Variants in ZNF787 observed in about 807,000 individuals in gnomAD.
ZNF787 encodes zinc finger protein 787.
A neutral mutation model predicts 16.9 loss-of-function variants in ZNF787; 7 were observed. The observed-to-expected ratio is 0.42, with a 90% confidence interval of 0.24 to 0.78. The LOEUF (loss-of-function observed/expected upper bound fraction) is 0.78, where lower values mean the gene tolerates loss of function less well. Ranked by LOEUF, ZNF787 falls within the 30% of genes least tolerant of loss-of-function variation. ZNF787 has a pLI of 0.30. For missense variants in ZNF787, 551 were observed against 589.3 expected (o/e 0.94, Z 0.67); for synonymous variants, 345 against 270.9 (o/e 1.27, Z -2.69).
At chr19:56,115,228 C>A (rs1233114838) in intron 1 of ZNF787, among the ~76,000 whole-genome samples, 3 of 152,086 alleles carry the variant, frequency 2.0e-5, no homozygotes, top group Non-Finnish European at 4.4e-5. Context: ...TTTGGCAGAT[C>A]ACATTCTCCT....
At chr19:56,118,235 G>T (rs1260196239) in intron 1 of ZNF787, among the ~76,000 whole-genome samples, 1 of 152,168 alleles carries the variant, frequency 6.6e-6, no homozygotes, top group Non-Finnish European at 1.5e-5. Context: ...GCCTCCTTGG[G>T]GGTTGCATGG....
intron 1 of ZNF787, among the ~76,000 whole-genome samples, chr19:56,105,233 A>G (rs1394668272): frequency 6.6e-6 from 1 of 152,178 alleles, no homozygotes; most frequent in East Asian, 1.9e-4. Flanking sequence ...CGCGGCTGGA[A>G]CCTGAACCCT....
chr19:56,109,340 G>A (rs894836688), intron 1 of ZNF787, among the ~76,000 whole-genome samples: 3 of 152,008 alleles, frequency 2.0e-5, no homozygotes. Context: ...CGAGAAGGGT[G>A]CTCTAGCCTC....
intron 1 of ZNF787, among the ~76,000 whole-genome samples, chr19:56,114,547 G>A (rs559053413): frequency 3.4e-4 from 52 of 152,056 alleles, no homozygotes; most frequent in African/African-American, 1.1e-3. Context: ...CTGAGGGGCC[G>A]GGCTCAGTCC....
At chr19:56,102,848 G>C (rs1986153648) in intron 2 of ZNF787, 1 of 700,488 alleles carries the variant, frequency 1.4e-6, no homozygotes. Flanking sequence ...CAACAGACGG[G>C]GGTGCTGCCC....
At position 56,088,861 on chromosome 19, in the gene ZNF787, G is replaced by A; in HGVS notation, c.311C>T (p.Ser104Leu). 1 of 1,609,362 alleles carries A rather than the reference G, an allele frequency of 6.2e-7. No individual in the cohort carries two copies. The highest frequency in any genetic ancestry group is 8.5e-7 in the Non-Finnish European group (1 of 1,177,782). Reference protein sequence around the residue: ...NACADCGKTFSQSSHLVQHRR... With the variant: ...NACADCGKTFLQSSHLVQHRR... Reference sequence around the variant, plus strand: ...GTGCTGCACCAGGTGCGAGCTCTGCGAGAAGGTCTTGCCGCAGTCGGCGCA... The same window carrying A: ...GTGCTGCACCAGGTGCGAGCTCTGCAAGAAGGTCTTGCCGCAGTCGGCGCA... Residue 104 changes from serine to leucine, a missense_variant, in exon 3 of 3, where the codon TCG becomes TTG. Around this residue, in one of 4 missense-constraint regions of ZNF787, gnomAD observed 39 missense variants for 109.9 expected, o/e 0.35. Coordinates refer to ENST00000610935, the MANE Select transcript of ZNF787 (RefSeq NM_001002836.4). The surrounding 1 kb of genome is among the most constrained non-coding windows in gnomAD (Gnocchi z 8.6).
chr19:56,091,690 G>A (rs1188556842), intron 2 of ZNF787, among the ~76,000 whole-genome samples: 1 of 152,208 alleles, frequency 6.6e-6, no homozygotes, highest in Non-Finnish European at 1.5e-5. Flanking sequence ...CTTTTTCTAA[G>A]TACGAGTTAA....
chr19:56,098,121 T>C (rs1036793368), intron 2 of ZNF787, among the ~76,000 whole-genome samples: 1 of 151,862 alleles, frequency 6.6e-6, no homozygotes, highest in African/African-American at 2.4e-5. Context: ...GGAAGGAACA[T>C]GTGCCAGGGG....
intron 1 of ZNF787, among the ~76,000 whole-genome samples, chr19:56,115,299 G>T (rs891623602): frequency 6.6e-6 from 1 of 151,480 alleles, no homozygotes; most frequent in Non-Finnish European, 1.5e-5. Flanking sequence ...CCGTTGTCCC[G>T]TGCTCTGGCC....
intron 2 of ZNF787, among the ~76,000 whole-genome samples, chr19:56,092,047 C>CCGAAACCGAAACCGAAGCCAAA (rs1171383146): frequency 5.2e-5 from 7 of 134,856 alleles, no homozygotes; most frequent in African/African-American, 2.2e-4. Flanking sequence ...GAAGCCGAAG[C>CCGAAACCGAAACCGAAGCCAAA]CTCACCCTCA....
chr19:56,113,353 G>A (rs564377328), intron 1 of ZNF787, among the ~76,000 whole-genome samples: 71 of 152,292 alleles, frequency 4.7e-4, no homozygotes, highest in African/African-American at 1.6e-3. Flanking sequence ...ATAAGAACCC[G>A]CAATTCCACT....
chr19:56,087,884 A>C lies in ZNF787; in HGVS notation c.*139T>G, dbSNP rs1464196311. On this transcript the variant is annotated 3_prime_UTR_variant, in exon 3 of 3. Coordinates refer to ENST00000610935, the MANE Select transcript of ZNF787 (RefSeq NM_001002836.4). Reference sequence around the variant, plus strand: ...GTGCCCCCCCACGGACGGCGCAGGGACAGAGGAGGGCGGGGAGCCGGGGAT... The same window carrying C: ...GTGCCCCCCCACGGACGGCGCAGGGCCAGAGGAGGGCGGGGAGCCGGGGAT... The C allele has an allele frequency of 8.0e-7, 1 of 1,256,410 alleles. No homozygotes were observed. Among genetic ancestry groups the C allele is most frequent in the Non-Finnish European group, 1.0e-6 (1 of 994,964 alleles). The allele number at this position is 1,256,410 out of a possible 1,614,324, so 77.8% of individuals were successfully genotyped here.
rs1985333981 is a variant in ZNF787, at chr19:56,087,725, CCTGGTCGCCACTCGGCCT to C, written c.*280_*297del. The C allele has an allele frequency of 3.8e-6, 1 of 260,608 alleles. No homozygotes were observed. The highest frequency in any genetic ancestry group is 2.3e-5 in the African/African-American group (1 of 44,112). The allele number at this position is 260,608 out of a possible 1,614,324, so 16.1% of individuals were successfully genotyped here. ...AGGGAAAATGGCCTTCCGCTTGGGG[CCTGGTCGCCACTCGGCCT>C]CTGCAGTTCTCTCCATTGTCTCTCC... On this transcript the variant is annotated 3_prime_UTR_variant, in exon 3 of 3. Transcript: ENST00000610935.
At chr19:56,120,652 G>A (rs2030265204) in intron 1 of ZNF787, among the ~76,000 whole-genome samples, 1 of 151,904 alleles carries the variant, frequency 6.6e-6, no homozygotes, top group Admixed American at 6.5e-5. Context: ...GGGGGGCCGA[G>A]GGCTGAGACC....
chr19:56,109,646 C>T (rs1228434222), intron 1 of ZNF787, among the ~76,000 whole-genome samples: 2 of 152,172 alleles, frequency 1.3e-5, no homozygotes, highest in Non-Finnish European at 2.9e-5. Context: ...GTAATCCCAG[C>T]ACACTGGGAG....
rs149346739 is a variant in ZNF787, at chr19:56,118,456, G to A, written c.-11+2716C>T. ...CCCCAACCTGGGGGCGGAAGGGGGC[G>A]GTTGTGATGGTCAAGGGTCTGGGCT... On this transcript the variant is annotated intron_variant, in intron 1 of 2. Coordinates refer to ENST00000610935, the MANE Select transcript of ZNF787 (RefSeq NM_001002836.4). Among the ~76,000 whole-genome samples the A allele has an allele frequency of 3.9e-4, 60 of 152,318 alleles. 1 individual carries two copies. In the East Asian group the frequency reaches 4.4e-3, roughly 11 times the overall value.
intron 1 of ZNF787, among the ~76,000 whole-genome samples, chr19:56,108,206 CGCTCTCTCCACCCAGCCCCTGCCCAGT>C (rs1401339171): frequency 6.6e-6 from 1 of 151,914 alleles, no homozygotes; most frequent in African/African-American, 2.4e-5. Flanking sequence ...CGCCGCTCCC[CGCTCTCTCCACCCAGCCCCTGCCCAGT>C]GCTCCCTCCA....
At chr19:56,110,915 A>C (rs2029960644) in intron 1 of ZNF787, among the ~76,000 whole-genome samples, 1 of 152,214 alleles carries the variant, frequency 6.6e-6, no homozygotes, top group Non-Finnish European at 1.5e-5. Flanking sequence ...ACAAGGCATG[A>C]TTCCTGCTGT....
intron 2 of ZNF787, chr19:56,102,793 C>A: frequency 1.5e-6 from 1 of 657,046 alleles, no homozygotes; most frequent in South Asian, 1.7e-5. Flanking sequence ...AGCAGAGGGT[C>A]CAGGATGTGG....
Sources: allele counts gnomAD v4.1 joint callset (sites outside exome capture counted in the v4.1 genomes callset), GRCh38; gene constraint gnomAD v4.1.1; regional missense constraint gnomAD v4.1.1; non-coding constraint Gnocchi (gnomAD v3.1); transcripts MANE v1.5; gene names NCBI Gene and HGNC (gene_info 2026-07-23, HGNC 2026-07-21).